The following MTMR2 variants were observed in gnomAD, a reference collection of about 807,000 sequenced individuals.
MTMR2 encodes phosphatidylinositol-3,5-bisphosphate 3-phosphatase MTMR2.
In MTMR2, 55 loss-of-function variants were observed where a neutral mutation model predicts 86.9. The observed-to-expected ratio is 0.63, with a 90% CI of 0.51 to 0.79. The LOEUF (loss-of-function observed/expected upper bound fraction) is 0.79. Among genes scored for constraint, MTMR2 ranks in the 30% least tolerant of loss-of-function variants. MTMR2 has a pLI of 0.00. For missense variants in MTMR2, 659 were observed against 772.3 expected (o/e 0.85, Z 1.74); for synonymous variants, 241 against 266.8 (o/e 0.90, Z 0.94).
At chr11:95,856,560 A>G (rs1001331071) in intron 7 of MTMR2, among the ~76,000 whole-genome samples, 7 of 151,730 alleles carry the variant, frequency 4.6e-5, no homozygotes, top group African/African-American at 1.7e-4. Context: ...AAAAGCCAAC[A>G]AATTCATCTA....
In MTMR2 at chr11:95,855,338, C is replaced by G. The variant is rs531381926; in HGVS notation, c.654+2214G>C. ...TGGCACATTCACAGCTCACCACAGC[C>G]TTGATCTCCCAGGCTCAGGTGGTCT... On this transcript the variant is annotated intron_variant, in intron 7 of 14. Coordinates refer to ENST00000346299, the MANE Select transcript of MTMR2 (RefSeq NM_016156.6). Among the ~76,000 whole-genome samples, 7 of 152,284 alleles carry G rather than the reference C, an allele frequency of 4.6e-5. No homozygotes were observed. The East Asian group carries it at 1.2e-3, about 25-fold the overall frequency.
intron 7 of MTMR2, among the ~76,000 whole-genome samples, chr11:95,855,625 G>C (rs1426478120): frequency 1.0e-5 from 1 of 99,258 alleles, no homozygotes; most frequent in Non-Finnish European, 2.2e-5. Flanking sequence ...AATGAATGTA[G>C]CTTTCATTTT....
intron 2 of MTMR2, among the ~76,000 whole-genome samples, chr11:95,878,026 T>C (rs1865188580): frequency 6.6e-6 from 1 of 151,400 alleles, no homozygotes; most frequent in Admixed American, 6.6e-5. Flanking sequence ...TTCATAACTA[T>C]GAAAACTTAG....
chr11:95,881,217 A>G (rs1250906277), intron 2 of MTMR2, among the ~76,000 whole-genome samples: 1 of 152,024 alleles, frequency 6.6e-6, no homozygotes, highest in East Asian at 1.9e-4. Context: ...TGTCATATAC[A>G]GAGTTCCTAC....
intron 7 of MTMR2, among the ~76,000 whole-genome samples, chr11:95,855,358 T>C (rs1864171493): frequency 6.6e-6 from 1 of 152,010 alleles, no homozygotes; most frequent in African/African-American, 2.4e-5. Flanking sequence ...CAGGCTCAGG[T>C]GGTCTTCCCA....
At chr11:95,869,331 T>C (rs916859212) in intron 2 of MTMR2, among the ~76,000 whole-genome samples, 1 of 152,070 alleles carries the variant, frequency 6.6e-6, no homozygotes, top group Non-Finnish European at 1.5e-5. Flanking sequence ...AACCCCATCA[T>C]AGGTCGAGGA....
chr11:95,883,099 A>G (rs1270341207), intron 2 of MTMR2, among the ~76,000 whole-genome samples: 1 of 151,976 alleles, frequency 6.6e-6, no homozygotes, highest in African/African-American at 2.4e-5. Context: ...AAACATTGGT[A>G]TAAAACAACA....
chr11:95,890,113 G>A (rs1865664405), intron 1 of MTMR2, among the ~76,000 whole-genome samples: 1 of 152,124 alleles, frequency 6.6e-6, no homozygotes, highest in African/African-American at 2.4e-5. Flanking sequence ...TCATTTAAAT[G>A]AATGAAAAGT....
At position 95,921,028 on chromosome 11, in the gene MTMR2, T is replaced by C. The variant is rs187126427; in HGVS notation, c.80+2847A>G. The stretch of plus-strand genomic sequence containing the variant: ...CATAACACATAATATTTAACTTGAG[T>C]TCATGTAATAATAAAAGTACTTAAA... On this transcript the variant is annotated intron_variant, in intron 1 of 14. Transcript: ENST00000346299. Among the ~76,000 whole-genome samples, 423 of 152,288 alleles carry C rather than the reference T, an allele frequency of 2.8e-3. 4 individuals are homozygous for C. Among genetic ancestry groups the C allele is most frequent in the African/African-American group, 9.7e-3 (403 of 41,548 alleles).
At chr11:95,901,398 A>G (rs1377105821) in intron 1 of MTMR2, among the ~76,000 whole-genome samples, 1 of 152,200 alleles carries the variant, frequency 6.6e-6, no homozygotes, top group East Asian at 1.9e-4. Flanking sequence ...TCCCTTTCAC[A>G]TGCAAGTACT....
At position 95,838,210 on chromosome 11, in the gene MTMR2, G is replaced by GTCTTGTCATCTGC. The variant is rs752523757; in HGVS notation, c.1480-4_1480-3insGCAGATGACAAGA. On this transcript the variant is annotated splice_region_variant and splice_polypyrimidine_tract_variant and intron_variant, in intron 12 of 14. Transcript: ENST00000346299. ...TTGAATTCAAATGCGGTAGGAAACT[G>GTCTTGTCATCTGC]CAAATCAAACATCACAAACACATAA... is the stretch of plus-strand genomic sequence containing the variant. The GTCTTGTCATCTGC allele has an allele frequency of 6.0e-6, 9 of 1,500,656 alleles. No individual in the cohort carries two copies. The highest frequency in any genetic ancestry group is 8.4e-6 in the Non-Finnish European group (9 of 1,077,532). The allele number at this position is 1,500,656 out of a possible 1,614,324, so 93.0% of individuals were successfully genotyped here. A position where few individuals can be genotyped will look rare whatever the true frequency, so the allele number is the denominator to read the frequency against.
At chr11:95,876,653 A>C (rs1386751953) in intron 2 of MTMR2, among the ~76,000 whole-genome samples, 1 of 152,208 alleles carries the variant, frequency 6.6e-6, no homozygotes, top group African/African-American at 2.4e-5. Context: ...AAAACACACA[A>C]GATTCAAATT....
chr11:95,851,913 C>T (rs1382590981), intron 7 of MTMR2, among the ~76,000 whole-genome samples: 2 of 152,190 alleles, frequency 1.3e-5, no homozygotes, highest in African/African-American at 2.4e-5. Flanking sequence ...ATTGAGCTCT[C>T]GTGCTCCTTC....
At chr11:95,858,840 G>C (rs1219101085) in intron 5 of MTMR2, among the ~76,000 whole-genome samples, 1 of 152,118 alleles carries the variant, frequency 6.6e-6, no homozygotes, top group Non-Finnish European at 1.5e-5. Context: ...CTATGAAGCA[G>C]AATTCAGAGG....
At chr11:95,902,767 A>G (rs1866118486) in intron 1 of MTMR2, among the ~76,000 whole-genome samples, 1 of 151,896 alleles carries the variant, frequency 6.6e-6, no homozygotes, top group African/African-American at 2.4e-5. Flanking sequence ...AAGCCCTTTT[A>G]TTTTCTCTCC....
intron 1 of MTMR2, among the ~76,000 whole-genome samples, chr11:95,909,829 G>A (rs1209594919): frequency 3.9e-5 from 6 of 152,050 alleles, no homozygotes; most frequent in African/African-American, 1.4e-4. Context: ...GTTAAGTACT[G>A]AACTGGTAGA....
At chr11:95,900,428 G>C (rs1181625800) in intron 1 of MTMR2, among the ~76,000 whole-genome samples, 1 of 152,154 alleles carries the variant, frequency 6.6e-6, no homozygotes, top group Non-Finnish European at 1.5e-5. Flanking sequence ...AGGGAAATGA[G>C]AGAAAAGTCC....
chr11:95,844,645 T>G (rs1863693940), intron 11 of MTMR2, among the ~76,000 whole-genome samples: 1 of 152,144 alleles, frequency 6.6e-6, no homozygotes, highest in African/African-American at 2.4e-5. Context: ...AAGACCCTTC[T>G]AAAAGTTTTT....
chr11:95,834,797 C>CA lies in MTMR2; in HGVS notation c.*492dup, dbSNP rs1590967132. On this transcript the variant is annotated 3_prime_UTR_variant, in exon 15 of 15. Transcript: ENST00000346299. ...AAGTTGAAAAGTGATCAAGGTAAATCAGTTACTGAAAAAAAGAAAAACCTA... is the reference window on the plus strand; with the variant it reads ...AAGTTGAAAAGTGATCAAGGTAAATCAAGTTACTGAAAAAAAGAAAAACCTA... 6.0e-6 allele frequency: 1 copy of CA among 167,890 alleles called. No homozygotes were observed. Among genetic ancestry groups the CA allele is most frequent in the African/African-American group, 2.4e-5 (1 of 41,634 alleles). The allele number at this position is 167,890 out of a possible 1,614,324, so 10.4% of individuals were successfully genotyped here. A position where few individuals can be genotyped will look rare whatever the true frequency, so the allele number is the denominator to read the frequency against.
Sources: gnomAD v4.1 joint callset for allele counts (sites outside exome capture counted in the v4.1 genomes callset) on GRCh38, gnomAD v4.1.1 for gene constraint, MANE v1.5 for transcripts, NCBI Gene and HGNC (gene_info 2026-07-23, HGNC 2026-07-21) for gene names.